Variants in GNA14 observed in about 807,000 individuals in gnomAD.
GNA14 encodes the protein G protein subunit alpha 14.
GNA14 carries 50 observed loss-of-function variants against 42.0 expected under a neutral mutation model. That is an observed-to-expected ratio of 1.19 (90% CI 0.95 to 1.51). The LOEUF (loss-of-function observed/expected upper bound fraction) is 1.51. Ranked by LOEUF, GNA14 falls within the 40% of genes most tolerant of loss-of-function variation. The pLI is 0.00. For missense variants in GNA14, 473 were observed against 446.2 expected, an observed-to-expected ratio of 1.06 and a Z score of -0.54; for synonymous variants, 173 against 163.1, an observed-to-expected ratio of 1.06 and a Z score of -0.46.
At chr9:77,613,375 G>T (rs899833971) in intron 1 of GNA14, among the ~76,000 whole-genome samples, 2 of 152,334 alleles carry the variant, frequency 1.3e-5, no homozygotes, top group East Asian at 3.9e-4. Flanking sequence ...AATGGCAGTT[G>T]CCAGGGAGTA....
At chr9:77,517,372 C>A (rs1246920440) in intron 2 of GNA14, 1 of 151,826 alleles carries the variant, frequency 6.6e-6, no homozygotes, top group African/African-American at 2.4e-5. Flanking sequence ...GAGCGAGGGG[C>A]CACCCATTAA....
chr9:77,449,170 C>T (rs1481767260), intron 2 of GNA14, among the ~76,000 whole-genome samples: 4 of 152,146 alleles, frequency 2.6e-5, no homozygotes, highest in Non-Finnish European at 5.9e-5. Flanking sequence ...CAGGTTTGTA[C>T]CTTAGGAGCA....
At chr9:77,449,232 A>G (rs1232581323) in intron 2 of GNA14, among the ~76,000 whole-genome samples, 2 of 152,222 alleles carry the variant, frequency 1.3e-5, no homozygotes, top group Admixed American at 1.3e-4. Flanking sequence ...AGTAGGCTAA[A>G]CCATATAGGT....
intron 6 of GNA14, 76 bp downstream of exon 6, chr9:77,425,486 G>A (rs12342249): frequency 0.098 from 108,940 of 1,113,864 alleles, 5,699 homozygotes; most frequent in African/African-American, 0.11. Flanking sequence ...CCTTTGAGCC[G>A]TGATAACTCT....
intron 1 of GNA14, among the ~76,000 whole-genome samples, chr9:77,599,731 G>C (rs1470546042): frequency 1.3e-5 from 2 of 152,046 alleles, no homozygotes; most frequent in Non-Finnish European, 2.9e-5. Flanking sequence ...ACATGCCGTC[G>C]GGCCTCCTTC....
At chr9:77,640,250 A>G (rs775269297) in intron 1 of GNA14, among the ~76,000 whole-genome samples, 2 of 152,184 alleles carry the variant, frequency 1.3e-5, no homozygotes, top group African/African-American at 2.4e-5. Flanking sequence ...GAATTCCATG[A>G]GATGCCCTGG....
chr9:77,642,927 C>A (rs1301349801), intron 1 of GNA14, among the ~76,000 whole-genome samples: 1 of 152,138 alleles, frequency 6.6e-6, no homozygotes, highest in African/African-American at 2.4e-5. Flanking sequence ...CACCCAAGCC[C>A]CCATGCGCAG....
At chr9:77,622,909 G>A (rs57059102) in intron 1 of GNA14, among the ~76,000 whole-genome samples, 9,958 of 136,862 alleles carry the variant, frequency 0.073, 819 homozygotes, top group African/African-American at 0.2. Flanking sequence ...AAAAAAAAAA[G>A]AAAAATTTTT....
chr9:77,520,284 CAT>C (rs1188037493), intron 2 of GNA14, among the ~76,000 whole-genome samples: 1 of 152,112 alleles, frequency 6.6e-6, no homozygotes, highest in African/African-American at 2.4e-5. Context: ...TCTCTTGGTA[CAT>C]GTTTGAGGCA....
intron 1 of GNA14, among the ~76,000 whole-genome samples, chr9:77,579,669 C>T (rs1241271840): frequency 6.6e-6 from 1 of 152,166 alleles, no homozygotes; most frequent in Non-Finnish European, 1.5e-5. Flanking sequence ...CCCATATAGA[C>T]ATTTCAACGA....
intron 2 of GNA14, among the ~76,000 whole-genome samples, chr9:77,479,636 TG>T (rs1383839446): frequency 3.9e-5 from 6 of 152,204 alleles, no homozygotes; most frequent in Admixed American, 3.9e-4. Flanking sequence ...TTCACGACCT[TG>T]GGCAGTATGG....
At chr9:77,528,392 C>G (rs2131767547) in intron 2 of GNA14, among the ~76,000 whole-genome samples, 1 of 152,266 alleles carries the variant, frequency 6.6e-6, no homozygotes, top group African/African-American at 2.4e-5. Flanking sequence ...TTATTCTCCT[C>G]TGGATTTGCA....
At chr9:77,512,803 C>T (rs934910957) in intron 2 of GNA14, among the ~76,000 whole-genome samples, 2 of 152,198 alleles carry the variant, frequency 1.3e-5, no homozygotes, top group Admixed American at 1.3e-4. Flanking sequence ...ATTTAGACCA[C>T]TCTCAGAATA....
At chr9:77,532,537 A>G (rs970723954) in intron 1 of GNA14, among the ~76,000 whole-genome samples, 40 of 152,190 alleles carry the variant, frequency 2.6e-4, no homozygotes, top group African/African-American at 9.4e-4. Flanking sequence ...GAGTTTCCTC[A>G]CTTGTTCTAA....
chr9:77,602,802 T>A (rs138498301), intron 1 of GNA14, among the ~76,000 whole-genome samples: 2 of 152,226 alleles, frequency 1.3e-5, no homozygotes, highest in African/African-American at 4.8e-5. Flanking sequence ...ATCTGTGCAA[T>A]TGCACAGGGC....
intron 1 of GNA14, among the ~76,000 whole-genome samples, chr9:77,611,911 A>G (rs1038963057): frequency 2.9e-4 from 44 of 152,172 alleles, no homozygotes; most frequent in African/African-American, 1.1e-3. Flanking sequence ...CTCATGATCT[A>G]GAAGTTCCTA....
Position 77,462,154 on chromosome 9 carries a change from C to T in GNA14, c.310-27632G>A, listed in dbSNP as rs577395958. Among the ~76,000 whole-genome samples, 34 of 152,208 alleles carry T rather than the reference C, an allele frequency of 2.2e-4. No homozygotes were observed. The South Asian group carries it at 2.7e-3, about 12-fold the overall frequency. On this transcript the variant is annotated intron_variant, in intron 2 of 6. Coordinates refer to ENST00000341700, the MANE Select transcript of GNA14 (RefSeq NM_004297.4). ...TGACTACCGAGAAGTAAATTTTATCCGGAAACACGACATTTTCATCAGATG... is the reference window on the plus strand; with the variant it reads ...TGACTACCGAGAAGTAAATTTTATCTGGAAACACGACATTTTCATCAGATG...
At chr9:77,490,272 A>G (rs1836742369) in intron 2 of GNA14, among the ~76,000 whole-genome samples, 1 of 152,242 alleles carries the variant, frequency 6.6e-6, no homozygotes, top group South Asian at 2.1e-4. Flanking sequence ...TGAGCTAGAT[A>G]TAAAGACTCT....
chr9:77,448,131 C>G (rs1180059735), intron 2 of GNA14, among the ~76,000 whole-genome samples: 1 of 152,216 alleles, frequency 6.6e-6, no homozygotes, highest in Non-Finnish European at 1.5e-5. Flanking sequence ...GTGATATGAT[C>G]TGCCTGCTTT....
Sources: allele counts gnomAD v4.1 joint callset (sites outside exome capture counted in the v4.1 genomes callset), GRCh38; gene constraint gnomAD v4.1.1; transcripts MANE v1.5; gene names NCBI Gene and HGNC (gene_info 2026-07-23, HGNC 2026-07-21).